Variants in PCDH15 observed in about 807,000 individuals in gnomAD.
PCDH15 encodes the protein protocadherin-15.
Under a neutral mutation model 178.5 loss-of-function variants are expected in PCDH15, and 129 were observed. That is an observed-to-expected ratio of 0.72 (90% confidence interval 0.63 to 0.84). The LOEUF (loss-of-function observed/expected upper bound fraction) is 0.84. Ranked by LOEUF, PCDH15 falls within the 40% of genes least tolerant of loss-of-function variation. The probability of loss-of-function intolerance (pLI) is 0.00; values close to 1 mark genes in which losing one functional copy is unlikely to be tolerated. For missense variants in PCDH15, 2,230 were observed against 2,099.9 expected (o/e 1.06, Z -1.21); for synonymous variants, 800 against 732.0 (o/e 1.09, Z -1.50).
rs534973213 is a variant in PCDH15 at position 55,050,250 on chromosome 10, C to A, written c.-80+116326G>T. Among the ~76,000 whole-genome samples, 12 of 152,014 alleles carry A rather than the reference C, an allele frequency of 7.9e-5. No homozygotes were observed. The East Asian group carries it at 2.1e-3, about 27-fold the overall frequency. ...GTTTGATTCTCAGTTTAGCCACTTG[C>A]AAGCTATGAGATTTTGGCCAACTTT... is the stretch of plus-strand genomic sequence containing the variant. On this transcript the variant is annotated intron_variant, in intron 2 of 5. Transcript: ENST00000458638.
chr10:54,713,984 C>G (rs1367085010), intron 1 of PCDH15, among the ~76,000 whole-genome samples: 1 of 152,092 alleles, frequency 6.6e-6, no homozygotes, highest in Non-Finnish European at 1.5e-5. Context: ...TTGTGATGAA[C>G]AGAATCAAGG....
At chr10:55,357,210 G>T (rs2131973997) in intron 2 of PCDH15, among the ~76,000 whole-genome samples, 1 of 151,810 alleles carries the variant, frequency 6.6e-6, no homozygotes, top group African/African-American at 2.4e-5. Flanking sequence ...ATTCAAACAT[G>T]AATAAATCTA....
intron 2 of PCDH15, among the ~76,000 whole-genome samples, chr10:54,601,442 G>C (rs571934325): frequency 2.9e-4 from 44 of 151,944 alleles, no homozygotes; most frequent in African/African-American, 1.0e-3. Context: ...TTTTAAAAAA[G>C]CTCAACATCA....
intron 3 of PCDH15, among the ~76,000 whole-genome samples, chr10:54,523,805 G>T (rs566814421): frequency 1.3e-5 from 2 of 152,260 alleles, no homozygotes; most frequent in African/African-American, 4.8e-5. Flanking sequence ...CAGTCCAATT[G>T]TCTCAGCAAC....
At chr10:55,273,569 T>C (rs908392993) in intron 1 of PCDH15, among the ~76,000 whole-genome samples, 3 of 152,078 alleles carry the variant, frequency 2.0e-5, no homozygotes, top group Non-Finnish European at 4.4e-5. Flanking sequence ...CTGATGTATG[T>C]TAACATTTCT....
chr10:53,917,740 C>A (rs1446775352), intron 25 of PCDH15, among the ~76,000 whole-genome samples: 1 of 152,182 alleles, frequency 6.6e-6, no homozygotes, highest in Non-Finnish European at 1.5e-5. Context: ...GACTCCCCTG[C>A]ATCTCATGTT....
chr10:54,627,360 G>A (rs2093584084), intron 2 of PCDH15, among the ~76,000 whole-genome samples: 1 of 152,114 alleles, frequency 6.6e-6, no homozygotes, highest in Non-Finnish European at 1.5e-5. Context: ...TTTTGGGAGG[G>A]AGCTGGTGGG....
At chr10:54,010,814 G>A (rs1041174662) in intron 20 of PCDH15, among the ~76,000 whole-genome samples, 39 of 152,162 alleles carry the variant, frequency 2.6e-4, no homozygotes, top group African/African-American at 8.9e-4. Context: ...TTACCAGGCA[G>A]TGCCTAAGCT....
At chr10:55,300,161 A>G (rs1454959875) in intron 1 of PCDH15, among the ~76,000 whole-genome samples, 1 of 152,174 alleles carries the variant, frequency 6.6e-6, no homozygotes, top group African/African-American at 2.4e-5. Context: ...TTTACCCTAC[A>G]TTAGCCTCTG....
chr10:54,106,231 A>C (rs898367229), intron 15 of PCDH15, among the ~76,000 whole-genome samples: 1 of 152,218 alleles, frequency 6.6e-6, no homozygotes, highest in African/African-American at 2.4e-5. Flanking sequence ...TATACTAAAA[A>C]CATTAAATTG....
intron 10 of PCDH15, among the ~76,000 whole-genome samples, chr10:54,198,898 G>A (rs1330702561): frequency 6.6e-6 from 1 of 151,944 alleles, no homozygotes; most frequent in African/African-American, 2.4e-5. Context: ...ATATATAGGT[G>A]GTGAGGAGGA....
intron 3 of PCDH15, among the ~76,000 whole-genome samples, chr10:54,463,066 G>T (rs2077299196): frequency 6.6e-6 from 1 of 152,074 alleles, no homozygotes; most frequent in African/African-American, 2.4e-5. Context: ...AGATCAATCA[G>T]TCTGTTCATA....
At chr10:53,952,665 C>T (rs1269140884) in intron 23 of PCDH15, among the ~76,000 whole-genome samples, 2 of 152,198 alleles carry the variant, frequency 1.3e-5, no homozygotes, top group South Asian at 2.1e-4. Context: ...CATCCCTTTC[C>T]ACCCAGGAGC....
intron 10 of PCDH15, among the ~76,000 whole-genome samples, chr10:54,209,057 A>G (rs1239157537): frequency 6.6e-6 from 1 of 151,962 alleles, no homozygotes. Flanking sequence ...TCACATCTCC[A>G]TAACAGATTT....
At chr10:55,339,296 C>T (rs950243590) in intron 2 of PCDH15, among the ~76,000 whole-genome samples, 2 of 151,552 alleles carry the variant, frequency 1.3e-5, no homozygotes, top group African/African-American at 4.8e-5. Flanking sequence ...CAATTAACAA[C>T]AACAACAACA....
At chr10:55,611,018 A>T (rs1843355143) in intron 2 of PCDH15, among the ~76,000 whole-genome samples, 1 of 152,174 alleles carries the variant, frequency 6.6e-6, no homozygotes. Context: ...GAAATATTTG[A>T]GATCATTTCA....
intron 1 of PCDH15, among the ~76,000 whole-genome samples, chr10:54,664,966 A>T (rs1386440421): frequency 6.6e-6 from 1 of 151,806 alleles, no homozygotes; most frequent in African/African-American, 2.4e-5. Flanking sequence ...GCCTGTGAGC[A>T]CATGAGAATG....
At chr10:54,239,511 G>A (rs2055015563) in intron 8 of PCDH15, among the ~76,000 whole-genome samples, 1 of 151,752 alleles carries the variant, frequency 6.6e-6, no homozygotes, top group Non-Finnish European at 1.5e-5. Context: ...GAAAAACTGT[G>A]AGTATCTCAG....
chr10:53,848,988 T>C, intron 28 of PCDH15, among the ~76,000 whole-genome samples: 1 of 152,284 alleles, frequency 6.6e-6, no homozygotes, highest in Middle Eastern at 3.4e-3. Context: ...GAAGATCTCA[T>C]TTATCTCTTT....
Sources: gnomAD v4.1 joint callset for allele counts (sites outside exome capture counted in the v4.1 genomes callset) on GRCh38, gnomAD v4.1.1 for gene constraint, MANE v1.5 for transcripts, NCBI Gene and HGNC (gene_info 2026-07-23, HGNC 2026-07-21) for gene names.